The following DOCK3 variants were observed in gnomAD, a reference collection of about 807,000 sequenced individuals.
DOCK3 encodes the protein dedicator of cytokinesis protein 3.
Under a neutral mutation model 265.6 loss-of-function variants are expected in DOCK3, and 60 were observed. That is an observed-to-expected ratio of 0.23 (90% CI 0.18 to 0.28). The LOEUF is 0.28. DOCK3 is among the 10% of genes least tolerant of loss of function. The pLI, the probability that DOCK3 is intolerant of heterozygous loss-of-function variation, is 1.00. For synonymous variants in DOCK3, 881 were observed against 938.0 expected (o/e 0.94, Z 1.11); for missense variants, 1,981 against 2,594.3 (o/e 0.76, Z 5.14).
chr3:51,356,517 T>G (rs374141491), intron 43 of DOCK3, 24 bp downstream of exon 43: 1 of 1,607,290 alleles, frequency 6.2e-7, no homozygotes, highest in Non-Finnish European at 8.5e-7. Context: ...CAGATGAAGC[T>G]GAGCTTCACA....
chr3:51,011,893 A>G (rs538000345), intron 5 of DOCK3, among the ~76,000 whole-genome samples: 3 of 152,336 alleles, frequency 2.0e-5, no homozygotes, highest in South Asian at 4.1e-4. Context: ...GGTCCACTCC[A>G]GATCCTGTTT....
chr3:51,153,228 C>T (rs367610339), intron 10 of DOCK3, among the ~76,000 whole-genome samples: 3 of 152,222 alleles, frequency 2.0e-5, no homozygotes, highest in Non-Finnish European at 4.4e-5. Flanking sequence ...TTGCCCGCTA[C>T]GCTGCTGCCT....
intron 9 of DOCK3, among the ~76,000 whole-genome samples, chr3:51,101,384 T>C (rs1484013930): frequency 2.0e-5 from 3 of 151,846 alleles, no homozygotes; most frequent in Admixed American, 6.6e-5. Context: ...CCTCCCAAAG[T>C]TCTGGGATTA....
chr3:51,267,177 G>A (rs1335808394), intron 23 of DOCK3, among the ~76,000 whole-genome samples: 1 of 152,148 alleles, frequency 6.6e-6, no homozygotes, highest in Non-Finnish European at 1.5e-5. Flanking sequence ...AACAGATGCT[G>A]GAGAGGATGT....
At chr3:50,889,619 C>T (rs2048546764) in intron 3 of DOCK3, among the ~76,000 whole-genome samples, 2 of 151,894 alleles carry the variant, frequency 1.3e-5, no homozygotes, top group Admixed American at 1.3e-4. Flanking sequence ...TAGCTAGAGT[C>T]TGAGAATTGT....
chr3:51,275,203 T>G lies in DOCK3; in HGVS notation c.2673T>G (p.Ser891=). The G allele has an allele frequency of 1.1e-5, 17 of 1,613,936 alleles. No homozygotes were observed. The highest frequency in any genetic ancestry group is 1.4e-5 in the Non-Finnish European group (17 of 1,179,882). The change falls in exon 25 of 53, where the codon TCT becomes TCG. Residue 891 remains serine, a synonymous_variant. Transcript: ENST00000266037. The part of the protein sequence containing the change: ...GSIFSIVKTS[S]LEADVMEEVE... ...TCTTCTCCATCGTCAAGACCAGCTC[T>G]CTGGTAGTGGCCCCACACCCACTCC... is the stretch of plus-strand genomic sequence containing the variant.
Position 51,143,274 on chromosome 3 carries a change from G to A in DOCK3, c.747-3275G>A, listed in dbSNP as rs201010462. Among the ~76,000 whole-genome samples the A allele has an allele frequency of 0.025, 81 of 3,224 alleles. 1 individual carries two copies. The South Asian group carries it at 0.26, about 10-fold the overall frequency. The allele number at this position is 3,224 out of a possible 152,430, so 2.1% of individuals were successfully genotyped here. ...TTTGTTTTCTGTTTTTTTTTTTTAT[G>A]TGTGTGTGTGTGTGTGATGGAGTTT... is the stretch of plus-strand genomic sequence containing the variant. On this transcript the variant is annotated intron_variant, in intron 9 of 52. Transcript: ENST00000266037.
Position 50,890,916 on chromosome 3 carries a change from T to C in DOCK3, c.218+835T>C, listed in dbSNP as rs575200871. On this transcript the variant is annotated intron_variant, in intron 4 of 52. Coordinates refer to ENST00000266037, the MANE Select transcript of DOCK3 (RefSeq NM_004947.5). ...AAAGAGGAAATACTGATGTAACCCA[T>C]AGATTTTAACTGCATAAAGTGGCCT... 5.9e-5 allele frequency among the ~76,000 whole-genome samples: 9 copies of C among 152,164 alleles called. No individual in the cohort carries two copies. The East Asian group carries it at 9.7e-4, about 16-fold the overall frequency.
chr3:51,222,603 A>G (rs536492352), intron 14 of DOCK3, among the ~76,000 whole-genome samples: 134 of 152,340 alleles, frequency 8.8e-4, no homozygotes, highest in African/African-American at 3.1e-3. Flanking sequence ...CAATAGCCTA[A>G]TACCTAACCT....
rs533876423 is a variant in DOCK3 at position 51,382,910 on chromosome 3, G to GTA, written c.*1354_*1355dup. On this transcript the variant is annotated 3_prime_UTR_variant, in exon 53 of 53. Coordinates refer to ENST00000266037, the MANE Select transcript of DOCK3 (RefSeq NM_004947.5). ...TATTTGGGGGGATAGGGTCAGGTGG[G>GTA]TATAGTAGTACTTTACCAGGGTGCT... is the stretch of plus-strand genomic sequence containing the variant. The GTA allele has an allele frequency of 1.3e-5, 2 of 152,300 alleles. No individual in the cohort carries two copies. Among genetic ancestry groups the GTA allele is most frequent in the Non-Finnish European group, 2.9e-5 (2 of 68,024 alleles). The allele number at this position is 152,300 out of a possible 1,614,324, so 9.4% of individuals were successfully genotyped here.
intron 9 of DOCK3, among the ~76,000 whole-genome samples, chr3:51,103,267 A>G (rs1020635838): frequency 2.0e-5 from 3 of 152,204 alleles, no homozygotes; most frequent in Admixed American, 6.5e-5. Flanking sequence ...CTGTGCTACA[A>G]TGAGAGCCTG....
At chr3:51,319,690 C>T (rs1002930740) in intron 32 of DOCK3, among the ~76,000 whole-genome samples, 1 of 151,974 alleles carries the variant, frequency 6.6e-6, no homozygotes, top group African/African-American at 2.4e-5. Context: ...CATGGTGAAA[C>T]CCCGTCTCTA....
chr3:51,248,314 T>A (rs1012223605), intron 22 of DOCK3, among the ~76,000 whole-genome samples: 1 of 152,270 alleles, frequency 6.6e-6, no homozygotes. Context: ...TGCCTCAGCC[T>A]GCGGAGTGCC....
At chr3:50,933,586 T>G (rs2051187520) in intron 4 of DOCK3, among the ~76,000 whole-genome samples, 1 of 152,134 alleles carries the variant, frequency 6.6e-6, no homozygotes. Flanking sequence ...ATTTTTTTTT[T>G]TAACTGAGGG....
chr3:51,293,729 C>G (rs1485812637), intron 27 of DOCK3, among the ~76,000 whole-genome samples: 2 of 152,084 alleles, frequency 1.3e-5, no homozygotes, highest in Non-Finnish European at 2.9e-5. Context: ...GGACTAATAT[C>G]CAAAATATAC....
intron 6 of DOCK3, among the ~76,000 whole-genome samples, chr3:51,068,267 G>A (rs150857654): frequency 0.033 from 4,996 of 152,118 alleles, 295 homozygotes; most frequent in African/African-American, 0.11. Context: ...TTGGCCGGGC[G>A]CGGTGGCTCA....
intron 4 of DOCK3, among the ~76,000 whole-genome samples, chr3:50,902,779 T>C (rs576864174): frequency 6.6e-6 from 1 of 152,236 alleles, no homozygotes; most frequent in African/African-American, 2.4e-5. Flanking sequence ...TATGGCCATT[T>C]TCACAATATT....
At chr3:50,905,013 T>C (rs2107845496) in intron 4 of DOCK3, among the ~76,000 whole-genome samples, 1 of 152,270 alleles carries the variant, frequency 6.6e-6, no homozygotes, top group African/African-American at 2.4e-5. Context: ...GTTTGTTAAA[T>C]AGGGAATCCT....
intron 5 of DOCK3, among the ~76,000 whole-genome samples, chr3:50,965,599 A>G (rs1221812300): frequency 6.6e-6 from 1 of 152,096 alleles, no homozygotes; most frequent in African/African-American, 2.4e-5. Flanking sequence ...TAGGTGATCT[A>G]TTTCTGTATA....
Sources: gnomAD v4.1 joint callset for allele counts (sites outside exome capture counted in the v4.1 genomes callset) on GRCh38, gnomAD v4.1.1 for gene constraint, MANE v1.5 for transcripts, NCBI Gene and HGNC (gene_info 2026-07-23, HGNC 2026-07-21) for gene names.